C13orf46: variants seen among roughly 807,000 people sequenced by gnomAD.
C13orf46 encodes uncharacterized protein C13orf46.
At chr13:113,933,768 A>G in the C13orf46 span, among the ~76,000 whole-genome samples, 2 of 152,226 alleles carry the variant, frequency 1.3e-5, no homozygotes, top group Non-Finnish European at 2.9e-5. Context: ...CTTCACAAAA[A>G]GTTGCCGAAT....
chr13:113,935,128 A>AG, the C13orf46 span, among the ~76,000 whole-genome samples: 4 of 152,188 alleles, frequency 2.6e-5, no homozygotes, highest in East Asian at 1.9e-4. Flanking sequence ...GCACAGCCCG[A>AG]GGGGGGGAAC....
intron 1 of C13orf46, among the ~76,000 whole-genome samples, chr13:113,971,975 G>A (rs937654039): frequency 3.3e-5 from 5 of 152,306 alleles, no homozygotes; most frequent in Admixed American, 2.6e-4. Context: ...GGTGCCTGGG[G>A]GAGGCTGTGC....
chr13:113,972,259 C>T (rs1266952797), intron 1 of C13orf46, among the ~76,000 whole-genome samples: 4 of 152,206 alleles, frequency 2.6e-5, no homozygotes, highest in African/African-American at 4.8e-5. Context: ...GAACTTTGCA[C>T]GTCTTGAGGG....
At chr13:113,948,163 A>G in the C13orf46 span, among the ~76,000 whole-genome samples, 1 of 152,208 alleles carries the variant, frequency 6.6e-6, no homozygotes, top group Non-Finnish European at 1.5e-5. Flanking sequence ...CTAACTACTG[A>G]GGAGTCACAT....
At chr13:113,962,376 A>G (rs2052594258) in intron 6 of C13orf46, among the ~76,000 whole-genome samples, 1 of 152,216 alleles carries the variant, frequency 6.6e-6, no homozygotes, top group South Asian at 2.1e-4. Context: ...ACTGCACTCC[A>G]GCCTGGGCAA....
the C13orf46 span, chr13:113,927,149 C>T: frequency 1.2e-5 from 2 of 172,050 alleles, no homozygotes; most frequent in East Asian, 1.5e-4. Flanking sequence ...AATACAGCTC[C>T]GCTTCCCTGT....
At chr13:113,934,977 A>C in the C13orf46 span, among the ~76,000 whole-genome samples, 1 of 152,222 alleles carries the variant, frequency 6.6e-6, no homozygotes, top group Non-Finnish European at 1.5e-5. Context: ...GACTGGCTAC[A>C]GGGAAATATT....
the C13orf46 span, among the ~76,000 whole-genome samples, chr13:113,934,203 T>C: frequency 6.6e-6 from 1 of 152,194 alleles, no homozygotes; most frequent in African/African-American, 2.4e-5. Flanking sequence ...CGTTGTGTGG[T>C]GTGGAGGCAC....
downstream of C13orf46, among the ~76,000 whole-genome samples, chr13:113,952,793 C>T (rs1408565670): frequency 6.6e-6 from 1 of 152,342 alleles, no homozygotes; most frequent in East Asian, 1.9e-4. Context: ...TGGGCCCCTG[C>T]CTGGTCCACT....
the C13orf46 span, among the ~76,000 whole-genome samples, chr13:113,942,588 C>T: frequency 6.6e-6 from 1 of 152,178 alleles, no homozygotes; most frequent in South Asian, 2.1e-4. Context: ...GGACTTCATA[C>T]AGTCCTGAGA....
chr13:113,963,094 C>T (rs931210618), intron 6 of C13orf46, among the ~76,000 whole-genome samples: 17 of 152,316 alleles, frequency 1.1e-4, no homozygotes, highest in African/African-American at 2.4e-4. Context: ...AGTCGGGGGC[C>T]GAGGGCTGCA....
At chr13:113,945,605 G>GAAAAAGA in the C13orf46 span, among the ~76,000 whole-genome samples, 1 of 93,708 alleles carries the variant, frequency 1.1e-5, no homozygotes, top group African/African-American at 4.2e-5. Context: ...AAGAAAGAAA[G>GAAAAAGA]AAGAAAGAAA....
chr13:113,927,966 TGA>T, the C13orf46 span: 1 of 231,198 alleles, frequency 4.3e-6, no homozygotes, highest in African/African-American at 2.2e-5. Flanking sequence ...CAGTTTTCCC[TGA>T]GAGAGGAATG....
At chr13:113,970,538 G>C (rs2052693089) in intron 1 of C13orf46, 1 of 152,366 alleles carries the variant, frequency 6.6e-6, no homozygotes, top group Non-Finnish European at 1.5e-5. Flanking sequence ...ATGAGGCTCC[G>C]GGACCTCTTG....
chr13:113,961,632 T>C (rs1383602483), intron 6 of C13orf46, among the ~76,000 whole-genome samples: 1 of 152,070 alleles, frequency 6.6e-6, no homozygotes, highest in Non-Finnish European at 1.5e-5. Context: ...CTGTAATAAA[T>C]ATGGGTACAA....
chr13:113,965,282 C>A (rs1314425019), intron 5 of C13orf46, among the ~76,000 whole-genome samples: 7 of 152,184 alleles, frequency 4.6e-5, no homozygotes, highest in Non-Finnish European at 7.3e-5. Flanking sequence ...CCAAGAATAG[C>A]CTTGTTGGGG....
At position 113,953,932 on chromosome 13, in the gene C13orf46, G is replaced by T. The variant is rs2052500465; in HGVS notation, c.*2841C>A. On this transcript the variant is annotated 3_prime_UTR_variant, in exon 7 of 7. Coordinates refer to ENST00000636427, the MANE Select transcript of C13orf46 (RefSeq NM_001365455.2). Reference sequence around the variant, plus strand: ...GCCCATTTCCGGTTGTCTGGGAAATGATGACTCTGGGGCCGATGGGCACTT... The same window carrying T: ...GCCCATTTCCGGTTGTCTGGGAAATTATGACTCTGGGGCCGATGGGCACTT... 2 of 152,324 alleles carry T rather than the reference G, an allele frequency of 1.3e-5. No homozygotes were observed. Among genetic ancestry groups the T allele is most frequent in the African/African-American group, 4.8e-5 (2 of 41,474 alleles). 9.4% of individuals were successfully genotyped at this position (152,324 alleles called of 1,614,324 possible).
At chr13:113,948,458 T>C in the C13orf46 span, among the ~76,000 whole-genome samples, 4 of 152,212 alleles carry the variant, frequency 2.6e-5, no homozygotes, top group African/African-American at 4.8e-5. Flanking sequence ...GCGGCTTCAG[T>C]GCCTGGGACC....
the C13orf46 span, chr13:113,927,963 C>T: frequency 4.3e-6 from 1 of 232,418 alleles, no homozygotes. Context: ...GGCCAGTTTT[C>T]CCTGAGAGAG....
Sources: allele counts gnomAD v4.1 joint callset (sites outside exome capture counted in the v4.1 genomes callset), GRCh38; gene constraint gnomAD v4.1.1; transcripts MANE v1.5; gene names NCBI Gene and HGNC (gene_info 2026-07-23, HGNC 2026-07-21).